Variants in MBOAT2 observed in about 807,000 individuals in gnomAD.
MBOAT2 encodes the protein membrane-bound glycerophospholipid O-acyltransferase 2.
A neutral mutation model predicts 63.4 loss-of-function variants in MBOAT2; 28 were observed. The observed-to-expected ratio is 0.44, with a 90% CI of 0.33 to 0.61. MBOAT2 has a LOEUF of 0.61. Ranked by LOEUF, MBOAT2 falls within the 20% of genes least tolerant of loss-of-function variation. The probability of loss-of-function intolerance (pLI) is 0.03; values close to 1 mark genes in which losing one functional copy is unlikely to be tolerated. For missense variants in MBOAT2, 470 were observed against 605.8 expected (o/e 0.78, Z 2.35); for synonymous variants, 211 against 215.6 (o/e 0.98, Z 0.19).
At chr2:8,983,114 AG>A (rs1196492596) in intron 1 of MBOAT2, among the ~76,000 whole-genome samples, 1 of 152,218 alleles carries the variant, frequency 6.6e-6, no homozygotes, top group Non-Finnish European at 1.5e-5. Flanking sequence ...CCATCTGTGC[AG>A]AATACAGCCT....
In MBOAT2 at chr2:8,862,753, G is replaced by C. The variant is rs1661583168; in HGVS notation, c.1053-31C>G. 1 of 1,594,324 alleles carries C rather than the reference G, an allele frequency of 6.3e-7. No individual in the cohort carries two copies. Among genetic ancestry groups the C allele is most frequent in the Admixed American group, 1.8e-5 (1 of 55,332 alleles). On this transcript the variant is annotated intron_variant, in intron 10 of 12. Coordinates refer to ENST00000305997, the MANE Select transcript of MBOAT2 (RefSeq NM_138799.4). The surrounding 1 kb of genome is among the most constrained non-coding windows in gnomAD (Gnocchi z 4.3). ...AACCATGAAAAACATGGAGAGCCAA[G>C]TGGAGTGAGTGACCCGAGTTTACAA... is the stretch of plus-strand genomic sequence containing the variant.
At chr2:8,971,469 C>T (rs982449992) in intron 1 of MBOAT2, among the ~76,000 whole-genome samples, 27 of 152,210 alleles carry the variant, frequency 1.8e-4, no homozygotes, top group Non-Finnish European at 3.5e-4. Flanking sequence ...AACAGGGATG[C>T]CCTGTCTCAC....
At chr2:8,901,102 G>A (rs538668441) in intron 4 of MBOAT2, among the ~76,000 whole-genome samples, 1 of 152,252 alleles carries the variant, frequency 6.6e-6, no homozygotes, top group East Asian at 1.9e-4. Flanking sequence ...GATCGGAATA[G>A]TTGTGCTCAC....
At chr2:8,924,922 C>T (rs1000371910) in intron 3 of MBOAT2, among the ~76,000 whole-genome samples, 1 of 152,090 alleles carries the variant, frequency 6.6e-6, no homozygotes, top group Non-Finnish European at 1.5e-5. Context: ...AGACCTTCAG[C>T]ATATCACCTG....
chr2:8,900,107 T>C (rs1664803126), intron 4 of MBOAT2, among the ~76,000 whole-genome samples: 1 of 152,092 alleles, frequency 6.6e-6, no homozygotes, highest in Non-Finnish European at 1.5e-5. Context: ...CAACATTGAG[T>C]AATTCATGGC....
intron 4 of MBOAT2, among the ~76,000 whole-genome samples, chr2:8,897,799 C>T (rs1209567932): frequency 6.6e-6 from 1 of 152,194 alleles, no homozygotes; most frequent in Admixed American, 6.5e-5. Context: ...TCGATTGGTT[C>T]CCCATCCTCT....
chr2:8,886,346 A>G (rs1432523264), intron 5 of MBOAT2, among the ~76,000 whole-genome samples: 1 of 152,202 alleles, frequency 6.6e-6, no homozygotes, highest in African/African-American at 2.4e-5. Context: ...ACTGTAATAA[A>G]TGTTAGCCTT....
intron 1 of MBOAT2, among the ~76,000 whole-genome samples, chr2:8,963,831 T>C (rs1669798782): frequency 1.3e-5 from 2 of 152,328 alleles, no homozygotes; most frequent in South Asian, 4.1e-4. Flanking sequence ...ATAGTGTCCA[T>C]ATAGTCCATT....
intron 1 of MBOAT2, among the ~76,000 whole-genome samples, chr2:8,965,112 C>T (rs904819804): frequency 1.3e-5 from 2 of 152,040 alleles, no homozygotes; most frequent in Non-Finnish European, 2.9e-5. Flanking sequence ...CTGTATTACA[C>T]GAATACATGG....
chr2:8,934,410 C>T (rs191916803), intron 3 of MBOAT2, among the ~76,000 whole-genome samples: 40 of 152,186 alleles, frequency 2.6e-4, no homozygotes, highest in Non-Finnish European at 5.6e-4. Context: ...TAATTCAAAT[C>T]CTAGATCACC....
Position 8,958,621 on chromosome 2 carries a change from G to A in MBOAT2, c.97C>T (p.Leu33Phe). The A allele has an allele frequency of 6.2e-7, 1 of 1,602,276 alleles. No homozygotes were observed. ...IDQVNFVVCQ[L>F]FALLAAIWFR... ...CAAATGGCTGCTAGCAAGGCAAAGA[G>A]TTGGCACACTACAAAGTTGACCTGT... Residue 33 changes from leucine (L) to phenylalanine (F), a missense_variant, in exon 2 of 13, where the codon CTC (leucine) becomes TTC (phenylalanine). Transcript: ENST00000305997.
At chr2:8,945,375 T>C (rs1393470320) in intron 2 of MBOAT2, among the ~76,000 whole-genome samples, 1 of 152,172 alleles carries the variant, frequency 6.6e-6, no homozygotes, top group Non-Finnish European at 1.5e-5. Context: ...AAAGTGACCA[T>C]AATAAACACA....
At chr2:8,965,980 C>T (rs1669951335) in intron 1 of MBOAT2, among the ~76,000 whole-genome samples, 1 of 152,122 alleles carries the variant, frequency 6.6e-6, no homozygotes, top group Non-Finnish European at 1.5e-5. Context: ...TTGTTACATC[C>T]ACATCTCTAC....
chr2:8,881,748 A>G (rs1383983359), intron 6 of MBOAT2, among the ~76,000 whole-genome samples: 1 of 152,250 alleles, frequency 6.6e-6, no homozygotes, highest in Non-Finnish European at 1.5e-5. Context: ...TTTTAAAGAC[A>G]GGAAAATACA....
intron 4 of MBOAT2, among the ~76,000 whole-genome samples, chr2:8,907,279 A>C (rs534565437): frequency 6.6e-6 from 1 of 152,220 alleles, no homozygotes; most frequent in Non-Finnish European, 1.5e-5. Flanking sequence ...CTGTATTTTC[A>C]ACTTTCTTCT....
At chr2:8,942,849 G>A (rs937281106) in intron 3 of MBOAT2, among the ~76,000 whole-genome samples, 2 of 152,118 alleles carry the variant, frequency 1.3e-5, no homozygotes, top group African/African-American at 4.8e-5. Flanking sequence ...GCTTCTCCAA[G>A]AGACATGTGA....
chr2:8,868,585 T>A, intron 8 of MBOAT2, 36 bp from the exon 9 acceptor site: 1 of 1,505,616 alleles, frequency 6.6e-7, no homozygotes, highest in Non-Finnish European at 9.2e-7. Context: ...GTATTAAGAA[T>A]CTCCATAACA....
At chr2:8,868,288 C>A (rs942886333) in intron 9 of MBOAT2, among the ~76,000 whole-genome samples, 158 bp downstream of exon 9, 11 of 152,166 alleles carry the variant, frequency 7.2e-5, no homozygotes, top group African/African-American at 2.7e-4. Flanking sequence ...GTGCCCAGGG[C>A]ACATAGTTGA....
At chr2:8,906,568 C>G (rs1665349770) in intron 4 of MBOAT2, among the ~76,000 whole-genome samples, 2 of 152,212 alleles carry the variant, frequency 1.3e-5, no homozygotes, top group Admixed American at 1.3e-4. Context: ...GAAATAAACT[C>G]TTATTACGTT....
Sources: allele counts gnomAD v4.1 joint callset (sites outside exome capture counted in the v4.1 genomes callset), GRCh38; gene constraint gnomAD v4.1.1; non-coding constraint Gnocchi (gnomAD v3.1); transcripts MANE v1.5; gene names NCBI Gene and HGNC (gene_info 2026-07-23, HGNC 2026-07-21).